Variants in RCL1 observed in about 807,000 individuals in gnomAD.
The protein encoded by RCL1 is RNA terminal phosphate cyclase like 1, also known as RNA 3'-terminal phosphate cyclase-like protein.
Under a neutral mutation model 42.4 loss-of-function variants are expected in RCL1, and 24 were observed. The ratio of observed to expected loss-of-function variants is 0.57; its 90% CI spans 0.41 to 0.80. The LOEUF is 0.80. Among genes scored for constraint, RCL1 ranks in the 30% least tolerant of loss-of-function variants. RCL1 has a pLI of 0.00. For synonymous variants in RCL1, 228 were observed against 177.3 expected (o/e 1.29, Z -2.27); for missense variants, 578 against 467.9 (o/e 1.24, Z -2.17).
At chr9:4,851,898 T>TTTTTTTTG (rs71326144) in intron 8 of RCL1, among the ~76,000 whole-genome samples, 11 of 150,522 alleles carry the variant, frequency 7.3e-5, no homozygotes, top group Non-Finnish European at 1.5e-4. Context: ...TTTTTTTTTT[T>TTTTTTTTG]GAGACAGAGT....
intron 1 of RCL1, among the ~76,000 whole-genome samples, chr9:4,814,733 T>G (rs528458587): frequency 2.6e-4 from 39 of 152,310 alleles, no homozygotes; most frequent in African/African-American, 8.7e-4. Flanking sequence ...TACTTTCATG[T>G]TTTTTCATGG....
chr9:4,858,811 C>T (rs1466925395), intron 8 of RCL1, among the ~76,000 whole-genome samples: 3 of 152,232 alleles, frequency 2.0e-5, no homozygotes, highest in African/African-American at 2.4e-5. Context: ...CAGTACAGTG[C>T]GAGGTTTTTG....
chr9:4,796,748 A>T (rs985237630), intron 1 of RCL1, among the ~76,000 whole-genome samples: 6 of 152,076 alleles, frequency 3.9e-5, no homozygotes, highest in African/African-American at 1.4e-4. Context: ...GTGTATATAT[A>T]CCACATTTTC....
chr9:4,842,115 G>T (rs1817352177), intron 6 of RCL1, among the ~76,000 whole-genome samples: 2 of 152,244 alleles, frequency 1.3e-5, no homozygotes, highest in South Asian at 4.1e-4. Context: ...CTTGTTTGTG[G>T]GTTTTGTTTG....
intron 1 of RCL1, among the ~76,000 whole-genome samples, chr9:4,810,930 G>A (rs951210407): frequency 6.6e-6 from 1 of 152,028 alleles, no homozygotes; most frequent in Non-Finnish European, 1.5e-5. Flanking sequence ...ATAATTGTAG[G>A]TATTTAGTAT....
rs58494209 is a variant in RCL1, at chr9:4,806,017, G to GGTGTGTGTGT, written c.136+12809_136+12818dup. On this transcript the variant is annotated intron_variant, in intron 1 of 8. Coordinates refer to ENST00000381750, the MANE Select transcript of RCL1 (RefSeq NM_005772.5). ...TATTAGTATATAGAAATACCATTGG[G>GGTGTGTGTGT]GTGTGTGTGTGTGTGTGTGTGTGTG... 8.3e-3 allele frequency among the ~76,000 whole-genome samples: 1,187 copies of GGTGTGTGTGT among 142,748 alleles called. 15 individuals carry two copies. The highest frequency in any genetic ancestry group is 0.027 in the African/African-American group (1,034 of 38,260). The allele number at this position is 142,748 out of a possible 152,430, so 93.6% of individuals were successfully genotyped here.
rs1390622716 is a variant in RCL1, at chr9:4,860,478, C to T, written c.*203C>T. On this transcript the variant is annotated 3_prime_UTR_variant, in exon 9 of 9. Coordinates refer to ENST00000381750, the MANE Select transcript of RCL1 (RefSeq NM_005772.5). Reference sequence around the variant, plus strand: ...TTTCTCCAGTGGCATTGCCATTGCCCAGGAGGGGCCCAGTCACCATGAGAG... The same window carrying T: ...TTTCTCCAGTGGCATTGCCATTGCCTAGGAGGGGCCCAGTCACCATGAGAG... 3.5e-6 allele frequency: 2 copies of T among 575,668 alleles called. No homozygotes were observed. The highest frequency in any genetic ancestry group is 4.0e-5 in the Admixed American group (1 of 24,856). 35.7% of individuals were successfully genotyped at this position (575,668 alleles called of 1,614,324 possible).
At chr9:4,823,734 C>G (rs1318881042) in intron 2 of RCL1, 115 bp downstream of exon 2, 3 of 668,208 alleles carry the variant, frequency 4.5e-6, no homozygotes, top group Admixed American at 5.4e-5. Flanking sequence ...CCAAATCACT[C>G]TTTTTAATGG....
At chr9:4,813,354 A>G (rs1040319166) in intron 1 of RCL1, among the ~76,000 whole-genome samples, 2 of 152,224 alleles carry the variant, frequency 1.3e-5, no homozygotes, top group East Asian at 3.8e-4. Flanking sequence ...AAAATCAAAC[A>G]ACCCCATCAA....
chr9:4,817,321 C>A (rs186427340), intron 1 of RCL1, among the ~76,000 whole-genome samples: 1 of 151,830 alleles, frequency 6.6e-6, no homozygotes, highest in Non-Finnish European at 1.5e-5. Context: ...AATGGAGAAT[C>A]GTTTACCATA....
At chr9:4,822,287 G>T (rs1215348100) in intron 1 of RCL1, among the ~76,000 whole-genome samples, 1 of 152,168 alleles carries the variant, frequency 6.6e-6, no homozygotes, top group Non-Finnish European at 1.5e-5. Context: ...ACAGGAGTGG[G>T]AATTGTCTAA....
At chr9:4,834,116 C>T (rs1817041822) in intron 4 of RCL1, 25 bp from the exon 5 acceptor site, 1 of 1,607,448 alleles carries the variant, frequency 6.2e-7, no homozygotes, top group East Asian at 2.2e-5. Context: ...GCATCCTCGC[C>T]TCATCTTTCT....
intron 1 of RCL1, among the ~76,000 whole-genome samples, chr9:4,799,477 A>G (rs1842964345): frequency 6.6e-6 from 1 of 152,190 alleles, no homozygotes; most frequent in Admixed American, 6.5e-5. Flanking sequence ...TGATACAGTG[A>G]GATACAGAAC....
At chr9:4,851,007 T>C (rs1046886286) in intron 8 of RCL1, among the ~76,000 whole-genome samples, 9 of 152,188 alleles carry the variant, frequency 5.9e-5, no homozygotes, top group African/African-American at 1.9e-4. Flanking sequence ...GGAATACATA[T>C]ATGTTTTTTT....
chr9:4,847,660 A>G (rs1817568899), intron 7 of RCL1, among the ~76,000 whole-genome samples: 1 of 152,052 alleles, frequency 6.6e-6, no homozygotes, highest in African/African-American at 2.4e-5. Context: ...TGATCTCTTC[A>G]CTCATGTGCA....
chr9:4,833,545 A>G (rs535086350), intron 4 of RCL1, among the ~76,000 whole-genome samples: 2 of 152,296 alleles, frequency 1.3e-5, no homozygotes, highest in African/African-American at 4.8e-5. Flanking sequence ...TGGAGAATAG[A>G]TTTGGGCCAT....
At chr9:4,850,493 CTT>C (rs35181848) in intron 8 of RCL1, 572 of 136,538 alleles carry the variant, frequency 4.2e-3, no homozygotes, top group South Asian at 0.015. Flanking sequence ...TTTTTTTTTT[CTT>C]TTTTTTTTTT....
intron 2 of RCL1, among the ~76,000 whole-genome samples, chr9:4,826,354 T>G (rs374731356): frequency 6.6e-6 from 1 of 152,220 alleles, no homozygotes; most frequent in East Asian, 1.9e-4. Flanking sequence ...GTATCAATAT[T>G]AAATTAAAAG....
intron 8 of RCL1, among the ~76,000 whole-genome samples, chr9:4,855,468 G>A (rs1441697446): frequency 6.6e-6 from 1 of 152,168 alleles, no homozygotes; most frequent in African/African-American, 2.4e-5. Context: ...TCAAGAGGCG[G>A]TGCCTCAGTG....
Sources: gnomAD v4.1 joint callset for allele counts (sites outside exome capture counted in the v4.1 genomes callset) on GRCh38, gnomAD v4.1.1 for gene constraint, MANE v1.5 for transcripts, NCBI Gene and HGNC (gene_info 2026-07-23, HGNC 2026-07-21) for gene names.